The following SORCS1 variants were observed in gnomAD, a reference collection of about 807,000 sequenced individuals.
The protein encoded by SORCS1 is sortilin related VPS10 domain containing receptor 1, also known as VPS10 domain-containing receptor SorCS1.
In SORCS1, 60 loss-of-function variants were observed where a neutral mutation model predicts 146.1. The ratio of observed to expected loss-of-function variants is 0.41; its 90% CI spans 0.33 to 0.51. The LOEUF (loss-of-function observed/expected upper bound fraction) is 0.51. Among genes scored for constraint, SORCS1 ranks in the 20% least tolerant of loss-of-function variants. The pLI, the probability that SORCS1 is intolerant of heterozygous loss-of-function variation, is 0.21. For missense variants in SORCS1, 1,352 were observed against 1,487.6 expected (o/e 0.91, Z 1.50); for synonymous variants, 637 against 584.0 (o/e 1.09, Z -1.31).
intron 1 of SORCS1, among the ~76,000 whole-genome samples, chr10:107,127,121 C>A (rs1411914087): frequency 1.3e-5 from 2 of 150,554 alleles, no homozygotes; most frequent in Non-Finnish European, 1.5e-5. Flanking sequence ...TTGCATAAAA[C>A]AAAAAAAAAT....
At chr10:106,922,139 A>G (rs139330396) in intron 2 of SORCS1, among the ~76,000 whole-genome samples, 5 of 152,262 alleles carry the variant, frequency 3.3e-5, no homozygotes, top group African/African-American at 1.2e-4. Context: ...ATTAGAGCTT[A>G]GGAAAGAATG....
chr10:106,769,928 T>G (rs576275870), intron 4 of SORCS1, among the ~76,000 whole-genome samples: 89 of 151,888 alleles, frequency 5.9e-4, no homozygotes, highest in African/African-American at 1.7e-3. Flanking sequence ...CAGTCTCTAC[T>G]AAAAAAATGC....
intron 2 of SORCS1, among the ~76,000 whole-genome samples, chr10:106,853,647 A>G (rs1949674095): frequency 6.6e-6 from 1 of 151,898 alleles, no homozygotes; most frequent in Admixed American, 6.6e-5. Flanking sequence ...TACAAACTTT[A>G]ATTAATTTTA....
chr10:106,618,272 G>C lies in SORCS1; in HGVS notation c.2797C>G (p.Pro933Ala). 6.2e-7 allele frequency: 1 copy of C among 1,613,664 alleles called. No individual in the cohort carries two copies. Among genetic ancestry groups the C allele is most frequent in the Non-Finnish European group, 8.5e-7 (1 of 1,179,780 alleles). ...ATGCTTCCCTCCAAGGTGATCAAAG[G>C]CTAAAATAAACAAGGGCCCAGAGTG... is the stretch of plus-strand genomic sequence containing the variant. ...YVWWYGNNTEPLITLEGSISF... is the reference protein window; with the variant it reads ...YVWWYGNNTEALITLEGSISF... Residue 933 changes from proline (P) to alanine (A), a missense_variant and splice_region_variant, in exon 21 of 26, where the codon CCT (proline) becomes GCT (alanine). Pro to Ala is a conservative substitution (Grantham distance 27). Transcript: ENST00000263054.
chr10:106,834,522 C>T (rs548064238), intron 2 of SORCS1, among the ~76,000 whole-genome samples: 10 of 151,844 alleles, frequency 6.6e-5, no homozygotes, highest in African/African-American at 2.4e-4. Context: ...GAGCAACACA[C>T]TTGGGGAAGC....
intron 24 of SORCS1, among the ~76,000 whole-genome samples, chr10:106,595,509 C>A (rs1358242916): frequency 6.6e-6 from 1 of 152,228 alleles, no homozygotes; most frequent in East Asian, 1.9e-4. Flanking sequence ...TGTTTCCACC[C>A]TCCACACCTC....
At chr10:106,624,643 G>A (rs544584984) in intron 19 of SORCS1, among the ~76,000 whole-genome samples, 1 of 152,318 alleles carries the variant, frequency 6.6e-6, no homozygotes, top group South Asian at 2.1e-4. Flanking sequence ...TTACAGGCAT[G>A]AGCCACCATG....
chr10:107,018,086 G>A (rs905260120), intron 1 of SORCS1, among the ~76,000 whole-genome samples: 2 of 152,166 alleles, frequency 1.3e-5, no homozygotes, highest in African/African-American at 4.8e-5. Context: ...GCACAGAGAA[G>A]AATCTGAATA....
chr10:106,702,963 G>A (rs930009990), intron 8 of SORCS1, among the ~76,000 whole-genome samples: 1 of 152,086 alleles, frequency 6.6e-6, no homozygotes, highest in Admixed American at 6.6e-5. Flanking sequence ...AATTAATGGT[G>A]AATTAAAGAG....
intron 1 of SORCS1, among the ~76,000 whole-genome samples, chr10:107,069,742 C>T (rs1962258068): frequency 6.6e-6 from 1 of 152,160 alleles, no homozygotes; most frequent in Non-Finnish European, 1.5e-5. Context: ...AGAAGTAGTA[C>T]AGAATCCAAA....
intron 6 of SORCS1, among the ~76,000 whole-genome samples, chr10:106,721,177 G>A (rs943742772): frequency 6.6e-6 from 1 of 152,050 alleles, no homozygotes; most frequent in Admixed American, 6.5e-5. Context: ...TTCTCAGCAT[G>A]TCAGGAAGTG....
intron 1 of SORCS1, among the ~76,000 whole-genome samples, chr10:106,983,321 T>C (rs1019845412): frequency 4.0e-5 from 6 of 150,588 alleles, no homozygotes; most frequent in African/African-American, 1.2e-4. Context: ...AAGCAACATA[T>C]TAATGGGTAA....
intron 1 of SORCS1, among the ~76,000 whole-genome samples, chr10:107,015,180 T>C (rs1957848344): frequency 6.6e-6 from 1 of 152,226 alleles, no homozygotes; most frequent in Non-Finnish European, 1.5e-5. Flanking sequence ...TCTACAAATA[T>C]GTGTTGAGCA....
chr10:106,708,635 G>T (rs927279814), intron 7 of SORCS1, among the ~76,000 whole-genome samples: 15 of 152,050 alleles, frequency 9.9e-5, no homozygotes. Context: ...CACTCTCTTG[G>T]GGGTGAAAAA....
At chr10:106,704,704 A>ACAAAAG (rs1304993007) in intron 8 of SORCS1, among the ~76,000 whole-genome samples, 2 of 152,208 alleles carry the variant, frequency 1.3e-5, no homozygotes, top group East Asian at 1.9e-4. Flanking sequence ...ACAAAACAAA[A>ACAAAAG]CAAAAACAAA....
chr10:106,966,653 C>A (rs1237411912), intron 1 of SORCS1, among the ~76,000 whole-genome samples: 1 of 152,170 alleles, frequency 6.6e-6, no homozygotes, highest in Non-Finnish European at 1.5e-5. Context: ...CAAATTGTAG[C>A]ACATGGAGAG....
intron 3 of SORCS1, among the ~76,000 whole-genome samples, chr10:106,785,366 C>T (rs773978122): frequency 3.3e-4 from 51 of 152,304 alleles, no homozygotes; most frequent in Non-Finnish European, 6.5e-4. Context: ...TCCCTCCTCT[C>T]CTCCTTCCTA....
intron 1 of SORCS1, among the ~76,000 whole-genome samples, chr10:107,109,416 C>G (rs1386475779): frequency 6.6e-6 from 1 of 152,212 alleles, no homozygotes; most frequent in Non-Finnish European, 1.5e-5. Context: ...TGGAAGCCAC[C>G]AAGGCGTATG....
intron 2 of SORCS1, among the ~76,000 whole-genome samples, chr10:106,939,392 AC>A (rs1253033166): frequency 6.9e-6 from 1 of 145,854 alleles, no homozygotes; most frequent in Non-Finnish European, 1.5e-5. Context: ...CAGATAGTTC[AC>A]ACTGGTCTGA....
Sources: gnomAD v4.1 joint callset for allele counts (sites outside exome capture counted in the v4.1 genomes callset) on GRCh38, gnomAD v4.1.1 for gene constraint, MANE v1.5 for transcripts, NCBI Gene and HGNC (gene_info 2026-07-23, HGNC 2026-07-21) for gene names.